Variants in SRGAP3 observed in about 807,000 individuals in gnomAD.
The protein encoded by SRGAP3 is SLIT-ROBO Rho GTPase-activating protein 3.
SRGAP3 carries 39 observed loss-of-function variants against 121.1 expected under a neutral mutation model. The ratio of observed to expected loss-of-function variants is 0.32; its 90% CI spans 0.25 to 0.42. The LOEUF (loss-of-function observed/expected upper bound fraction) is 0.42, where lower values mean the gene tolerates loss of function less well. SRGAP3 is among the 10% of genes least tolerant of loss of function. SRGAP3 has a pLI of 1.00. For missense variants in SRGAP3, 1,213 were observed against 1,470.6 expected (o/e 0.82, Z 2.86); for synonymous variants, 601 against 570.0 (o/e 1.05, Z -0.77).
chr3:9,180,358 C>T (rs1045657232), intron 1 of SRGAP3, among the ~76,000 whole-genome samples: 17 of 152,170 alleles, frequency 1.1e-4, no homozygotes, highest in Non-Finnish European at 2.2e-4. Context: ...GCAGGGTGAG[C>T]GGGAAGCCAC....
At chr3:9,176,069 G>A (rs951230736) in intron 1 of SRGAP3, among the ~76,000 whole-genome samples, 12 of 152,084 alleles carry the variant, frequency 7.9e-5, no homozygotes, top group African/African-American at 2.4e-4. Flanking sequence ...CTACAGGCAC[G>A]TGCCACCATG....
intron 1 of SRGAP3, among the ~76,000 whole-genome samples, chr3:9,232,709 A>G (rs1953259823): frequency 1.3e-5 from 2 of 152,220 alleles, no homozygotes; most frequent in African/African-American, 4.8e-5. Flanking sequence ...AGGCACTTGT[A>G]AAATGCAGAT....
At chr3:9,171,483 T>C (rs1334020663) in intron 1 of SRGAP3, among the ~76,000 whole-genome samples, 1 of 152,226 alleles carries the variant, frequency 6.6e-6, no homozygotes, top group Non-Finnish European at 1.5e-5. Flanking sequence ...AGGACTTTTT[T>C]TGTGAACTGA....
At chr3:9,083,389 A>C (rs980455632) in intron 3 of SRGAP3, among the ~76,000 whole-genome samples, 1 of 152,262 alleles carries the variant, frequency 6.6e-6, no homozygotes, top group African/African-American at 2.4e-5. Flanking sequence ...AACTGCTACA[A>C]AAAATTTCTT....
At chr3:9,121,999 G>C (rs1000966323) in intron 2 of SRGAP3, among the ~76,000 whole-genome samples, 1 of 152,180 alleles carries the variant, frequency 6.6e-6, no homozygotes, top group East Asian at 1.9e-4. Flanking sequence ...GGCCAAGGAG[G>C]CAGAGAAGAG....
chr3:9,139,843 G>A (rs1027559521), intron 1 of SRGAP3, among the ~76,000 whole-genome samples: 1 of 152,140 alleles, frequency 6.6e-6, no homozygotes, highest in Non-Finnish European at 1.5e-5. Context: ...AGGACAATGT[G>A]TTGTAGAGGA....
Position 9,295,667 on chromosome 3 carries a change from C to T in SRGAP3, n.442+30343G>A, listed in dbSNP as rs577475566. Among the ~76,000 whole-genome samples, 20 of 152,188 alleles carry T rather than the reference C, an allele frequency of 1.3e-4. No homozygotes were observed. The South Asian group carries it at 4.1e-3, about 32-fold the overall frequency. ...ATAACATAAATTTTACCATTTTAAC[C>T]ATTTTTAAGTGTACAGTTCAATGAC... On this transcript the variant is annotated intron_variant and non_coding_transcript_variant, in intron 3 of 3. Transcript: ENST00000490889.
intron 2 of SRGAP3, among the ~76,000 whole-genome samples, chr3:9,123,406 AC>A (rs1271182408): frequency 1.1e-3 from 2 of 1,832 alleles, no homozygotes; most frequent in Admixed American, 0.019. Context: ...CAATACACAT[AC>A]ATACACATAC....
intron 12 of SRGAP3, among the ~76,000 whole-genome samples, chr3:9,030,061 A>G (rs2125084021): frequency 6.6e-6 from 1 of 152,132 alleles, no homozygotes; most frequent in East Asian, 1.9e-4. Context: ...CTGAGGTGGG[A>G]GGATCACTTG....
chr3:9,247,988 T>A (rs1414101059), intron 1 of SRGAP3, among the ~76,000 whole-genome samples: 1 of 152,246 alleles, frequency 6.6e-6, no homozygotes, highest in African/African-American at 2.4e-5. Context: ...CATTTAGCCA[T>A]GCAATTGTGT....
At chr3:9,083,557 C>T (rs1947332305) in intron 3 of SRGAP3, among the ~76,000 whole-genome samples, 1 of 152,204 alleles carries the variant, frequency 6.6e-6, no homozygotes, top group Non-Finnish European at 1.5e-5. Context: ...TTTTATATCC[C>T]CTTTTTTGCA....
chr3:8,994,571 C>G, intron 18 of SRGAP3, 48 bp from the exon 19 acceptor site: 1 of 1,602,980 alleles, frequency 6.2e-7, no homozygotes, highest in Non-Finnish European at 8.5e-7. Context: ...AGCAAAGTGG[C>G]AGCTCAGGAG....
Position 8,983,369 on chromosome 3 carries a change from G to T in SRGAP3, c.*2150C>A, listed in dbSNP as rs1941518014. Reference sequence around the variant, plus strand: ...TCAAGTTTGACACTGGCCTCTCCCTGAGATCCCTTTTTTTGTTCCTCTCCT... The same window carrying T: ...TCAAGTTTGACACTGGCCTCTCCCTTAGATCCCTTTTTTTGTTCCTCTCCT... On this transcript the variant is annotated 3_prime_UTR_variant, in exon 22 of 22. Transcript: ENST00000383836. 1 of 229,718 alleles carries T rather than the reference G, an allele frequency of 4.4e-6. No homozygotes were observed. The highest frequency in any genetic ancestry group is 1.8e-4 in the South Asian group (1 of 5,498). 14.2% of individuals were successfully genotyped at this position (229,718 alleles called of 1,614,324 possible). A position where few individuals can be genotyped will look rare whatever the true frequency, so the allele number is the denominator to read the frequency against.
intron 3 of SRGAP3, among the ~76,000 whole-genome samples, chr3:9,270,404 G>A (rs1444996422): frequency 6.6e-6 from 1 of 152,088 alleles, no homozygotes; most frequent in Non-Finnish European, 1.5e-5. Context: ...GAACAATAGT[G>A]GCCTATGGGG....
In SRGAP3 at chr3:9,314,011, C is replaced by T. The variant is rs186221508; in HGVS notation, n.442+11999G>A. On this transcript the variant is annotated intron_variant and non_coding_transcript_variant, in intron 3 of 3. Transcript: ENST00000490889. ...CCGTCTAAAAAGAAAAAGAAAATAGCTTATAATTTATTTTGTTTTTTGTAT... is the reference window on the plus strand; with the variant it reads ...CCGTCTAAAAAGAAAAAGAAAATAGTTTATAATTTATTTTGTTTTTTGTAT... Among the ~76,000 whole-genome samples the T allele has an allele frequency of 1.3e-3, 200 of 152,296 alleles. 2 individuals carry two copies. The South Asian group carries it at 0.025, about 19-fold the overall frequency.
chr3:9,091,179 G>A (rs1947740452), intron 3 of SRGAP3, among the ~76,000 whole-genome samples: 1 of 152,034 alleles, frequency 6.6e-6, no homozygotes, highest in Non-Finnish European at 1.5e-5. Flanking sequence ...AGTAAGACAG[G>A]TGGCCTTTGT....
intron 1 of SRGAP3, among the ~76,000 whole-genome samples, chr3:9,135,609 G>A (rs1242632041): frequency 2.0e-5 from 3 of 152,234 alleles, no homozygotes; most frequent in Admixed American, 6.5e-5. Context: ...AGTCAACTCA[G>A]TATCTTCTCT....
upstream of SRGAP3, among the ~76,000 whole-genome samples, chr3:9,253,330 C>T (rs1954057779): frequency 6.6e-6 from 1 of 152,036 alleles, no homozygotes; most frequent in South Asian, 2.1e-4. Flanking sequence ...TACATTGTTT[C>T]AATACGGAGT....
At chr3:9,061,004 G>A (rs1462436573) in intron 5 of SRGAP3, among the ~76,000 whole-genome samples, 1 of 152,206 alleles carries the variant, frequency 6.6e-6, no homozygotes, top group Non-Finnish European at 1.5e-5. Context: ...GGCTGAGGCA[G>A]GCATATCACC....
Sources: gnomAD v4.1 joint callset for allele counts (sites outside exome capture counted in the v4.1 genomes callset) on GRCh38, gnomAD v4.1.1 for gene constraint, MANE v1.5 for transcripts, NCBI Gene and HGNC (gene_info 2026-07-23, HGNC 2026-07-21) for gene names.